The following CTNND2 variants were observed in gnomAD, a reference collection of about 807,000 sequenced individuals.
CTNND2 encodes catenin delta 2.
A neutral mutation model predicts 144.4 loss-of-function variants in CTNND2; 22 were observed. The ratio of observed to expected loss-of-function variants is 0.15; its 90% CI spans 0.11 to 0.22. The LOEUF is 0.22. Among genes scored for constraint, CTNND2 ranks in the 10% least tolerant of loss-of-function variants. The pLI is 1.00. For missense variants in CTNND2, 1,353 were observed against 1,618.8 expected (o/e 0.84, Z 2.82); for synonymous variants, 751 against 695.6 (o/e 1.08, Z -1.25).
At chr5:11,250,487 C>CTATATA (rs1282598853) in intron 9 of CTNND2, among the ~76,000 whole-genome samples, 315 of 67,080 alleles carry the variant, frequency 4.7e-3, no homozygotes, top group African/African-American at 7.7e-3. Context: ...CTCTCTCTCT[C>CTATATA]TCTCTATATA....
intron 11 of CTNND2, among the ~76,000 whole-genome samples, chr5:11,195,879 C>G (rs1378121338): frequency 6.6e-6 from 1 of 152,146 alleles, no homozygotes; most frequent in Admixed American, 6.5e-5. Context: ...GGCTAGCATA[C>G]AATAGCTTCG....
chr5:11,691,721 A>G (rs1784917370), intron 2 of CTNND2, among the ~76,000 whole-genome samples: 1 of 152,118 alleles, frequency 6.6e-6, no homozygotes, highest in Non-Finnish European at 1.5e-5. Flanking sequence ...CCCTGGCAAC[A>G]CAGTCGTCCC....
chr5:11,293,011 C>G (rs1748524131), intron 9 of CTNND2, among the ~76,000 whole-genome samples: 1 of 152,148 alleles, frequency 6.6e-6, no homozygotes, highest in African/African-American at 2.4e-5. Context: ...TGCTAAAATC[C>G]TTCGCAAACT....
intron 16 of CTNND2, among the ~76,000 whole-genome samples, chr5:11,070,957 T>G (rs756815481): frequency 2.9e-4 from 35 of 119,230 alleles, no homozygotes; most frequent in East Asian, 4.9e-4. Context: ...AGAGGAGGAG[T>G]GCGTAGGGGA....
chr5:10,978,574 C>T (rs1356766256), intron 21 of CTNND2, among the ~76,000 whole-genome samples: 1 of 152,198 alleles, frequency 6.6e-6, no homozygotes, highest in Non-Finnish European at 1.5e-5. Context: ...CAATTATCCA[C>T]TTCCCTTGGC....
chr5:11,903,807 C>T lies in CTNND2; in HGVS notation c.37+10G>A. 5 of 1,480,988 alleles carry T rather than the reference C, an allele frequency of 3.4e-6. No individual in the cohort carries two copies. Among genetic ancestry groups the T allele is most frequent in the South Asian group, 1.3e-5 (1 of 79,004 alleles). 91.7% of individuals were successfully genotyped at this position (1,480,988 alleles called of 1,614,324 possible). ...GCGCCCGGCCCCGGCCGCCCAGCCC[C>T]GCAACTCACCCAAAGGCGCGGCGCC... On this transcript the variant is annotated intron_variant, in intron 1 of 21. Transcript: ENST00000304623. The surrounding 1 kb of genome is among the most constrained non-coding windows in gnomAD (Gnocchi z 5.4).
intron 1 of CTNND2, among the ~76,000 whole-genome samples, chr5:11,829,552 G>A (rs1187066010): frequency 6.6e-6 from 1 of 152,222 alleles, no homozygotes; most frequent in Non-Finnish European, 1.5e-5. Flanking sequence ...TCCATATGGT[G>A]TTGAGCCTGC....
At chr5:11,820,677 A>G (rs759331277) in intron 1 of CTNND2, among the ~76,000 whole-genome samples, 7 of 152,188 alleles carry the variant, frequency 4.6e-5, no homozygotes, top group African/African-American at 7.2e-5. Flanking sequence ...TCCTATATGG[A>G]CTGTAAATTA....
chr5:11,160,111 A>C (rs1758625472), intron 11 of CTNND2, among the ~76,000 whole-genome samples: 1 of 152,192 alleles, frequency 6.6e-6, no homozygotes, highest in Non-Finnish European at 1.5e-5. Flanking sequence ...AGAGATGTGA[A>C]AGTTATTTGA....
chr5:11,307,304 AGT>A (rs3033112), intron 9 of CTNND2, among the ~76,000 whole-genome samples: 38,672 of 146,146 alleles, frequency 0.26, 5,273 homozygotes, highest in East Asian at 0.37. Flanking sequence ...AAGGTAGAGT[AGT>A]GTGTGTGTGT....
At chr5:11,508,643 G>A (rs150070570) in intron 3 of CTNND2, among the ~76,000 whole-genome samples, 2,011 of 152,290 alleles carry the variant, frequency 0.013, 48 homozygotes, top group African/African-American at 0.046. Flanking sequence ...CGGGTGCAGT[G>A]GTTCACACCT....
intron 15 of CTNND2, among the ~76,000 whole-genome samples, chr5:11,095,727 T>C (rs1032988764): frequency 6.6e-6 from 1 of 152,226 alleles, no homozygotes; most frequent in Non-Finnish European, 1.5e-5. Flanking sequence ...AATTTGGTGT[T>C]TAGATGTGGC....
intron 1 of CTNND2, among the ~76,000 whole-genome samples, chr5:11,849,415 G>A (rs559141479): frequency 1.1e-4 from 16 of 152,280 alleles, no homozygotes; most frequent in Admixed American, 2.0e-4. Context: ...TCAGTAGAAC[G>A]TGGGGACGGA....
At chr5:11,591,538 G>A (rs1779239851) in intron 2 of CTNND2, among the ~76,000 whole-genome samples, 1 of 131,702 alleles carries the variant, frequency 7.6e-6, no homozygotes, top group Admixed American at 7.8e-5. Flanking sequence ...TTTCATTTCA[G>A]CAATAGCTAT....
intron 1 of CTNND2, among the ~76,000 whole-genome samples, chr5:11,796,093 C>T (rs1791386029): frequency 6.6e-6 from 1 of 152,204 alleles, no homozygotes; most frequent in Non-Finnish European, 1.5e-5. Flanking sequence ...CCCATCTGTA[C>T]AGACACACCC....
rs1738093400 is a variant in CTNND2 at position 11,903,707 on chromosome 5, C to A, written c.37+110G>T. The A allele has an allele frequency of 3.4e-6, 4 of 1,160,080 alleles. No homozygotes were observed. The highest frequency in any genetic ancestry group is 4.5e-6 in the Non-Finnish European group (4 of 882,066). 71.9% of individuals were successfully genotyped at this position (1,160,080 alleles called of 1,614,324 possible). On this transcript the variant is annotated intron_variant, in intron 1 of 21. Transcript: ENST00000304623. This position sits in a 1 kb window ranked among gnomAD's most constrained non-coding sequence, Gnocchi z 5.4. The stretch of plus-strand genomic sequence containing the variant: ...GCAGAAACCCCGCAGCAGCCGCCGC[C>A]GCCGCCTGCCGGCCGGGAGCCCAGG...
At chr5:11,807,563 T>A (rs1049223837) in intron 1 of CTNND2, among the ~76,000 whole-genome samples, 1 of 152,202 alleles carries the variant, frequency 6.6e-6, no homozygotes, top group African/African-American at 2.4e-5. Context: ...GAGTTCAGAA[T>A]TATGATCAAC....
intron 9 of CTNND2, among the ~76,000 whole-genome samples, chr5:11,313,269 G>C (rs902362065): frequency 2.0e-5 from 3 of 152,144 alleles, no homozygotes; most frequent in African/African-American, 7.2e-5. Flanking sequence ...GCAGCAGCAG[G>C]AAACAGGGCT....
At chr5:11,245,331 C>T (rs1455128699) in intron 9 of CTNND2, among the ~76,000 whole-genome samples, 1 of 152,202 alleles carries the variant, frequency 6.6e-6, no homozygotes, top group Non-Finnish European at 1.5e-5. Flanking sequence ...ATGCTGCCTT[C>T]TATGGCCAAA....
Sources: gnomAD v4.1 joint callset for allele counts (sites outside exome capture counted in the v4.1 genomes callset) on GRCh38, gnomAD v4.1.1 for gene constraint, Gnocchi (gnomAD v3.1) non-coding constraint, MANE v1.5 for transcripts, NCBI Gene and HGNC (gene_info 2026-07-23, HGNC 2026-07-21) for gene names.